The following SH3BP2 variants were observed in gnomAD, a reference collection of about 807,000 sequenced individuals.
SH3BP2 encodes SH3 domain-binding protein 2.
In SH3BP2, 38 loss-of-function variants were observed where a neutral mutation model predicts 56.2. The ratio of observed to expected loss-of-function variants is 0.68; its 90% CI spans 0.52 to 0.89. SH3BP2 has a LOEUF of 0.89. SH3BP2 is among the 40% of genes least tolerant of loss of function. SH3BP2 has a pLI of 0.00. For missense variants in SH3BP2, 748 were observed against 762.6 expected (o/e 0.98, Z 0.23); for synonymous variants, 346 against 316.7 (o/e 1.09, Z -0.98).
At position 2,810,350 on chromosome 4, in the gene SH3BP2, G is replaced by GT. The variant is rs1168409131; in HGVS notation, c.-4-10263dup. 6.6e-6 allele frequency among the ~76,000 whole-genome samples: 1 copy of GT among 151,598 alleles called. No individual in the cohort carries two copies. The highest frequency in any genetic ancestry group is 1.5e-5 in the Non-Finnish European group (1 of 67,932). On this transcript the variant is annotated intron_variant, in intron 1 of 12. Transcript: ENST00000503393. This position sits in a 1 kb window ranked among gnomAD's most constrained non-coding sequence, Gnocchi z 4.2. ...AGCATCACAGCATTGGACCAGGGCT[G>GT]TGGGGGGAATGGGCCTGGGCCAGGG... is the stretch of plus-strand genomic sequence containing the variant.
At chr4:2,814,368 C>A (rs1389629202) in intron 1 of SH3BP2, among the ~76,000 whole-genome samples, 1 of 152,228 alleles carries the variant, frequency 6.6e-6, no homozygotes, top group East Asian at 1.9e-4. Context: ...CTCTGCCCCC[C>A]ACCGCAGCAG....
In SH3BP2 at chr4:2,840,539, C is replaced by G. The variant is rs193099027; in HGVS notation, c.*6705C>G. On this transcript the variant is annotated 3_prime_UTR_variant, in exon 13 of 13. Coordinates refer to ENST00000503393, the MANE Select transcript of SH3BP2 (RefSeq NM_001122681.2). ...TGTAGATCTGTTGTTGGATTCTTTC[C>G]TCTGTTCCATTAGTCTGTCTGTTCT... 6.6e-6 allele frequency: 1 copy of G among 151,874 alleles called. No homozygotes were observed. Among genetic ancestry groups the G allele is most frequent in the Non-Finnish European group, 1.5e-5 (1 of 67,968 alleles). The allele number at this position is 151,874 out of a possible 1,614,324, so 9.4% of individuals were successfully genotyped here.
chr4:2,834,148 A>C lies in SH3BP2; in HGVS notation c.*314A>C. On this transcript the variant is annotated 3_prime_UTR_variant, in exon 13 of 13. Coordinates refer to ENST00000503393, the MANE Select transcript of SH3BP2 (RefSeq NM_001122681.2). Reference sequence around the variant, plus strand: ...ACAGGAACACTGGTCCCCCCATCACACTCACCCCTAAGTGGGCTGGGAGCC... The same window carrying C: ...ACAGGAACACTGGTCCCCCCATCACCCTCACCCCTAAGTGGGCTGGGAGCC... The C allele has an allele frequency of 3.1e-6, 1 of 317,736 alleles. No individual in the cohort carries two copies. The highest frequency in any genetic ancestry group is 5.9e-6 in the Non-Finnish European group (1 of 169,502). The allele number at this position is 317,736 out of a possible 1,614,324, so 19.7% of individuals were successfully genotyped here.
chr4:2,793,410 G>C (rs1277087054), intron 1 of SH3BP2, among the ~76,000 whole-genome samples: 1 of 150,486 alleles, frequency 6.6e-6, no homozygotes, highest in African/African-American at 2.4e-5. Context: ...GGGGTCTCGG[G>C]TGCGCAGCAG....
chr4:2,833,079 C>G, intron 12 of SH3BP2, 30 bp downstream of exon 12: 1 of 1,607,814 alleles, frequency 6.2e-7, no homozygotes, highest in East Asian at 2.2e-5. Context: ...GACGGGGACC[C>G]TGGCCGCATG....
chr4:2,809,404 A>G (rs999881398), intron 1 of SH3BP2, among the ~76,000 whole-genome samples: 6 of 149,288 alleles, frequency 4.0e-5, no homozygotes, highest in Non-Finnish European at 8.9e-5. Context: ...CACAGGCTCA[A>G]TGCCCTCCCT....
rs1181960192 is a variant in SH3BP2 at position 2,837,874 on chromosome 4, C to G, written c.*4040C>G. The G allele has an allele frequency of 6.6e-6, 1 of 152,370 alleles. No homozygotes were observed. Among genetic ancestry groups the G allele is most frequent in the East Asian group, 1.9e-4 (1 of 5,202 alleles). 9.4% of individuals were successfully genotyped at this position (152,370 alleles called of 1,614,324 possible). Reference sequence around the variant, plus strand: ...TGACCCTGTGAAGATGCTTGACAGACAACCCCCACCACCTCAGAAGTGTGT... The same window carrying G: ...TGACCCTGTGAAGATGCTTGACAGAGAACCCCCACCACCTCAGAAGTGTGT... On this transcript the variant is annotated 3_prime_UTR_variant, in exon 13 of 13. Transcript: ENST00000503393.
intron 1 of SH3BP2, chr4:2,799,227 GA>G: frequency 1.0e-6 from 1 of 985,520 alleles, no homozygotes; most frequent in Non-Finnish European, 1.2e-6. Flanking sequence ...TGGAATCTCT[GA>G]AATGCCTTCC....
intron 1 of SH3BP2, among the ~76,000 whole-genome samples, chr4:2,800,126 C>T (rs551197269): frequency 6.6e-6 from 1 of 152,002 alleles, no homozygotes; most frequent in East Asian, 1.9e-4. Flanking sequence ...GGTGACGTGA[C>T]CAGGATGGGG....
chr4:2,807,661 G>T (rs1420085736), intron 1 of SH3BP2, among the ~76,000 whole-genome samples: 1 of 152,214 alleles, frequency 6.6e-6, no homozygotes, highest in Non-Finnish European at 1.5e-5. Flanking sequence ...CCCAGGGCAG[G>T]AAGGGAAAGC....
chr4:2,823,281 C>G, intron 3 of SH3BP2: 1 of 581,022 alleles, frequency 1.7e-6, no homozygotes, highest in Non-Finnish European at 3.2e-6. Context: ...TGCACAAGTC[C>G]CAGAGGCCTG....
chr4:2,830,212 G>A (rs908173510), intron 8 of SH3BP2, 65 bp downstream of exon 8: 4 of 1,456,362 alleles, frequency 2.7e-6, no homozygotes, highest in South Asian at 1.2e-5. Flanking sequence ...GGCCTCTGAC[G>A]GGCACTCTGC....
intron 1 of SH3BP2, among the ~76,000 whole-genome samples, chr4:2,802,600 A>ACG (rs1723347385): frequency 1.5e-5 from 2 of 131,652 alleles, no homozygotes; most frequent in Admixed American, 1.6e-4. Context: ...GTTTGTATAT[A>ACG]TGTGTATATA....
intron 1 of SH3BP2, chr4:2,799,374 C>A (rs1469028405): frequency 2.3e-6 from 2 of 864,020 alleles, no homozygotes; most frequent in African/African-American, 1.8e-5. Context: ...CTGAGCCATC[C>A]TGGGGTCCTG....
In SH3BP2 at chr4:2,827,298, C is replaced by A. The variant is rs567769591; in HGVS notation, c.497C>A (p.Pro166Gln). The change falls in exon 6 of 13, where the codon CCG becomes CAG. Residue 166 changes from proline to glutamine, a missense_variant. Pro to Gln is a moderately conservative substitution (Grantham distance 76). This residue lies in a region of SH3BP2 where 635 missense variants were observed against 615.0 expected (regional missense o/e 1.03). Coordinates refer to ENST00000503393, the MANE Select transcript of SH3BP2 (RefSeq NM_001122681.2). Reference sequence around the variant, plus strand: ...CGGCCTGTGGATATCAGCCTTTCCCCGTACCCCACGGACAATGAAGGTGAG... The same window carrying A: ...CGGCCTGTGGATATCAGCCTTTCCCAGTACCCCACGGACAATGAAGGTGAG... ...VERPVDISLS[P>Q]YPTDNEDYEH... 2 of 1,614,048 alleles carry A rather than the reference C, an allele frequency of 1.2e-6. No individual in the cohort carries two copies. The highest frequency in any genetic ancestry group is 2.7e-5 in the African/African-American group (2 of 74,936).
At chr4:2,796,998 G>A (rs1723087203) in intron 1 of SH3BP2, among the ~76,000 whole-genome samples, 2 of 152,234 alleles carry the variant, frequency 1.3e-5, no homozygotes, top group Admixed American at 1.3e-4. Flanking sequence ...CTAACTCATG[G>A]GAGGCCAGAT....
intron 12 of SH3BP2, chr4:2,833,250 C>A (rs1725096451): frequency 6.1e-6 from 4 of 650,524 alleles, no homozygotes; most frequent in Non-Finnish European, 1.1e-5. Context: ...CCTTTGTCCT[C>A]CACTGACCCT....
rs974882109 is a variant in SH3BP2 at position 2,839,755 on chromosome 4, A to G, written c.*5921A>G. ...GATAATTTTTTTTTTTTTTTTAGAG[A>G]TAGGATCTTACTATGCCCCAGCTGG... is the stretch of plus-strand genomic sequence containing the variant. On this transcript the variant is annotated 3_prime_UTR_variant, in exon 13 of 13. Coordinates refer to ENST00000503393, the MANE Select transcript of SH3BP2 (RefSeq NM_001122681.2). The G allele has an allele frequency of 6.7e-6, 1 of 148,560 alleles. No individual in the cohort carries two copies. The highest frequency in any genetic ancestry group is 2.5e-5 in the African/African-American group (1 of 40,272). The allele number at this position is 148,560 out of a possible 1,614,324, so 9.2% of individuals were successfully genotyped here. A position where few individuals can be genotyped will look rare whatever the true frequency, so the allele number is the denominator to read the frequency against.
chr4:2,833,385 C>T, intron 12 of SH3BP2: 1 of 571,718 alleles, frequency 1.7e-6, no homozygotes, highest in Non-Finnish European at 3.1e-6. Flanking sequence ...GCAATCCTCC[C>T]ACCTCGGCCT....
Sources: gnomAD v4.1 joint callset for allele counts (sites outside exome capture counted in the v4.1 genomes callset) on GRCh38, gnomAD v4.1.1 for gene constraint, gnomAD v4.1.1 regional missense constraint, Gnocchi (gnomAD v3.1) non-coding constraint, MANE v1.5 for transcripts, NCBI Gene and HGNC (gene_info 2026-07-23, HGNC 2026-07-21) for gene names.